The following KCNJ15 variants were observed in gnomAD, a reference collection of about 807,000 sequenced individuals.
The protein encoded by KCNJ15 is ATP-sensitive inward rectifier potassium channel 15.
Under a neutral mutation model 23.0 loss-of-function variants are expected in KCNJ15, and 14 were observed. That is an observed-to-expected ratio of 0.61 (90% confidence interval 0.40 to 0.95). The LOEUF is 0.95. Among genes scored for constraint, KCNJ15 ranks in the 40% least tolerant of loss-of-function variants. The pLI, the probability that KCNJ15 is intolerant of heterozygous loss-of-function variation, is 0.00. For synonymous variants in KCNJ15, 185 were observed against 183.2 expected (o/e 1.01, Z -0.08); for missense variants, 388 against 461.8 (o/e 0.84, Z 1.46).
chr21:38,289,803 C>T (rs1338761743), intron 1 of KCNJ15, among the ~76,000 whole-genome samples: 2 of 152,172 alleles, frequency 1.3e-5, no homozygotes, highest in African/African-American at 4.8e-5. Context: ...TCCTCACCCC[C>T]TCCACACTCA....
chr21:38,255,008 C>T (rs1463110904), upstream of KCNJ15, among the ~76,000 whole-genome samples: 1 of 152,154 alleles, frequency 6.6e-6, no homozygotes, highest in Non-Finnish European at 1.5e-5. Flanking sequence ...TATGATGTGC[C>T]AGATATTGCT....
At chr21:38,234,848 G>A (rs548197578) in intron 1 of KCNJ15, among the ~76,000 whole-genome samples, 1 of 152,250 alleles carries the variant, frequency 6.6e-6, no homozygotes, top group Admixed American at 6.5e-5. Flanking sequence ...TCAGCATCCC[G>A]AGTCAGACAA....
rs189874398 is a variant in KCNJ15, at chr21:38,262,772, G to A, written c.-117+5587G>A. Among the ~76,000 whole-genome samples, 780 of 151,376 alleles carry A rather than the reference G, an allele frequency of 5.2e-3. 3 individuals carry two copies. Among genetic ancestry groups the A allele is most frequent in the African/African-American group, 0.018 (747 of 41,214 alleles). ...TGGTTCACTGCAACCTCCACCTCCC[G>A]GGTTCAAAGATTCTCCTGCCTTAGT... On this transcript the variant is annotated intron_variant, in intron 1 of 2. Coordinates refer to ENST00000398938, the MANE Select transcript of KCNJ15 (RefSeq NM_170736.3).
At position 38,300,119 on chromosome 21, in the gene KCNJ15, T is replaced by C. The variant is rs200619897; in HGVS notation, c.858T>C (p.Thr286=). The change falls in exon 3 of 3, where the codon ACT becomes ACC. Residue 286 remains threonine (T), a synonymous_variant. Transcript: ENST00000398938. The part of the protein sequence containing the change: ...EFELVVLLNA[T]VESTSAVCQS... ...AGCTTGTGGTCCTCCTCAATGCCAC[T>C]GTGGAATCCACCAGCGCTGTCTGCC... 4.3e-6 allele frequency: 7 copies of C among 1,614,208 alleles called. No individual in the cohort carries two copies. The highest frequency in any genetic ancestry group is 5.9e-6 in the Non-Finnish European group (7 of 1,180,030).
intron 1 of KCNJ15, among the ~76,000 whole-genome samples, chr21:38,290,397 G>C (rs1008543172): frequency 1.3e-5 from 2 of 152,146 alleles, no homozygotes; most frequent in African/African-American, 2.4e-5. Context: ...AATAATAATG[G>C]AACAGAAACA....
chr21:38,261,624 A>G (rs1166758055), intron 1 of KCNJ15, among the ~76,000 whole-genome samples: 1 of 152,248 alleles, frequency 6.6e-6, no homozygotes, highest in Non-Finnish European at 1.5e-5. Context: ...CATGAAAGGT[A>G]GGTCCTTGTA....
At chr21:38,271,999 GAC>G (rs1283287291) in intron 1 of KCNJ15, among the ~76,000 whole-genome samples, 1 of 152,194 alleles carries the variant, frequency 6.6e-6, no homozygotes, top group African/African-American at 2.4e-5. Flanking sequence ...ATGGGACCAT[GAC>G]AGTTTTAAGA....
chr21:38,299,311 C>T lies in KCNJ15; in HGVS notation c.50C>T (p.Thr17Ile). 6.2e-7 allele frequency: 1 copy of T among 1,614,196 alleles called. No individual in the cohort carries two copies. Residue 17 changes from threonine to isoleucine, a missense_variant, in exon 3 of 3, where the codon ACT becomes ATT. By Grantham distance (89) the Thr-to-Ile change is moderately conservative. Transcript: ENST00000398938. This position sits in a 1 kb window ranked among gnomAD's most constrained non-coding sequence, Gnocchi z 4.5. ...TCCAGCACCCCCCTGGTGAAGCACA[C>T]TGCTGGGGCTGGGCTCAAGGCCAAC... ...GMSSTPLVKHTAGAGLKANRP... is the reference protein window; with the variant it reads ...GMSSTPLVKHIAGAGLKANRP...
chr21:38,286,735 G>T (rs1167670104), intron 1 of KCNJ15, among the ~76,000 whole-genome samples: 1 of 152,198 alleles, frequency 6.6e-6, no homozygotes, highest in Non-Finnish European at 1.5e-5. Context: ...TAATCCCAGG[G>T]CTATGAAGCC....
At chr21:38,279,085 G>A (rs568581509) in intron 1 of KCNJ15, among the ~76,000 whole-genome samples, 1 of 152,348 alleles carries the variant, frequency 6.6e-6, no homozygotes, top group East Asian at 1.9e-4. Context: ...AACCAACGCA[G>A]TGACAGTGGG....
In KCNJ15 at chr21:38,299,260, C is replaced by A. The variant is rs144630249; in HGVS notation, c.-2C>A. On this transcript the variant is annotated 5_prime_UTR_variant, in exon 3 of 3. Transcript: ENST00000398938. This position sits in a 1 kb window ranked among gnomAD's most constrained non-coding sequence, Gnocchi z 4.5. ...TTCTCTAAGTGTTTCCAGAGCCTGG[C>A]AATGGATGCCATTCACATCGGCATG... 3.9e-5 allele frequency: 63 copies of A among 1,606,478 alleles called. No individual in the cohort carries two copies. Among genetic ancestry groups the A allele is most frequent in the Non-Finnish European group, 4.9e-5 (58 of 1,174,986 alleles).
At chr21:38,251,297 C>T (rs1484744940) in intron 1 of KCNJ15, among the ~76,000 whole-genome samples, 3 of 152,116 alleles carry the variant, frequency 2.0e-5, no homozygotes, top group South Asian at 2.1e-4. Flanking sequence ...CAGGAACAAA[C>T]GGTGTGTATT....
chr21:38,296,395 G>T (rs1468658441), intron 1 of KCNJ15, among the ~76,000 whole-genome samples: 1 of 152,176 alleles, frequency 6.6e-6, no homozygotes, highest in Non-Finnish European at 1.5e-5. Flanking sequence ...TGTTTAAGGG[G>T]ATTTTGTGGT....
chr21:38,291,142 C>T (rs1984569648), intron 1 of KCNJ15, among the ~76,000 whole-genome samples: 1 of 152,142 alleles, frequency 6.6e-6, no homozygotes, highest in African/African-American at 2.4e-5. Flanking sequence ...TCTGGGGGCT[C>T]AGCTTCAGCT....
intron 1 of KCNJ15, among the ~76,000 whole-genome samples, chr21:38,267,816 C>CT (rs989240327): frequency 1.3e-5 from 2 of 152,174 alleles, no homozygotes; most frequent in African/African-American, 4.8e-5. Flanking sequence ...TTCTCATGCT[C>CT]TTTTTTGCTA....
intron 1 of KCNJ15, among the ~76,000 whole-genome samples, chr21:38,271,709 C>T (rs1454706381): frequency 6.6e-6 from 1 of 152,144 alleles, no homozygotes; most frequent in African/African-American, 2.4e-5. Flanking sequence ...CCACACGATC[C>T]CCCAAGCCTG....
intron 1 of KCNJ15, among the ~76,000 whole-genome samples, chr21:38,266,782 A>T (rs759189964): frequency 6.6e-6 from 1 of 152,150 alleles, no homozygotes; most frequent in Non-Finnish European, 1.5e-5. Context: ...CTCTTTAGAG[A>T]TGAGGAAAGC....
At chr21:38,240,695 AT>A (rs1280665811) in intron 1 of KCNJ15, among the ~76,000 whole-genome samples, 2 of 152,340 alleles carry the variant, frequency 1.3e-5, no homozygotes, top group South Asian at 2.1e-4. Flanking sequence ...GATTTAGTAC[AT>A]TTTTTGACCA....
chr21:38,274,682 T>A (rs932108705), intron 1 of KCNJ15, among the ~76,000 whole-genome samples: 9 of 152,204 alleles, frequency 5.9e-5, no homozygotes, highest in African/African-American at 2.2e-4. Flanking sequence ...AGTACTTCTT[T>A]GTCCCTCCTC....
Sources: gnomAD v4.1 joint callset for allele counts (sites outside exome capture counted in the v4.1 genomes callset) on GRCh38, gnomAD v4.1.1 for gene constraint, Gnocchi (gnomAD v3.1) non-coding constraint, MANE v1.5 for transcripts, NCBI Gene and HGNC (gene_info 2026-07-23, HGNC 2026-07-21) for gene names.